The following NRG2 variants were observed in gnomAD, a reference collection of about 807,000 sequenced individuals.
NRG2 encodes the protein neuregulin 2.
In NRG2, 27 loss-of-function variants were observed where a neutral mutation model predicts 73.9. The ratio of observed to expected loss-of-function variants is 0.37; its 90% CI spans 0.27 to 0.50. NRG2 has a LOEUF of 0.50. Ranked by LOEUF, NRG2 falls within the 20% of genes least tolerant of loss-of-function variation. NRG2 has a pLI of 0.96. For synonymous variants in NRG2, 532 were observed against 541.0 expected (o/e 0.98, Z 0.23); for missense variants, 1,126 against 1,210.1 (o/e 0.93, Z 1.03).
At chr5:139,875,350 G>A (rs2127085920) in intron 3 of NRG2, among the ~76,000 whole-genome samples, 1 of 152,346 alleles carries the variant, frequency 6.6e-6, no homozygotes, top group African/African-American at 2.4e-5. Context: ...TCACTAGAAT[G>A]TAAGCTCCAT....
intron 1 of NRG2, among the ~76,000 whole-genome samples, chr5:139,942,598 T>C (rs1443188269): frequency 1.3e-5 from 2 of 152,226 alleles, no homozygotes; most frequent in African/African-American, 4.8e-5. Context: ...TGTTAACATC[T>C]GTCAACTCAT....
At chr5:139,956,761 G>A (rs6886100) in intron 1 of NRG2, among the ~76,000 whole-genome samples, 1,855 of 152,294 alleles carry the variant, frequency 0.012, 30 homozygotes, top group African/African-American at 0.042. Context: ...GGAAGCCAAC[G>A]GCTGCTCAGA....
Position 139,877,237 on chromosome 5 carries a change from A to G in NRG2, c.991+3619T>C, listed in dbSNP as rs566980448. ...GACTCCTCCTGCCCGCCAGTTCAGG[A>G]AGGCAGGAGCCTCTTGTGAGCTGGC... is the stretch of plus-strand genomic sequence containing the variant. On this transcript the variant is annotated intron_variant, in intron 3 of 9. Coordinates refer to ENST00000361474, the MANE Select transcript of NRG2 (RefSeq NM_004883.3). Among the ~76,000 whole-genome samples, 39 of 152,328 alleles carry G rather than the reference A, an allele frequency of 2.6e-4. 1 individual carries two copies. The East Asian group carries it at 7.0e-3, about 27-fold the overall frequency.
intron 1 of NRG2, among the ~76,000 whole-genome samples, chr5:139,938,751 CA>C (rs1355715754): frequency 6.7e-6 from 1 of 149,446 alleles, no homozygotes; most frequent in Non-Finnish European, 1.5e-5. Context: ...TGATTGTTGA[CA>C]AAGGTTTTAA....
At chr5:140,037,444 G>T (rs905180846) in intron 1 of NRG2, among the ~76,000 whole-genome samples, 1 of 152,184 alleles carries the variant, frequency 6.6e-6, no homozygotes, top group African/African-American at 2.4e-5. Context: ...AGGTATTGAG[G>T]AGAAAAGAGG....
At chr5:140,041,687 G>T (rs975775705) in intron 1 of NRG2, among the ~76,000 whole-genome samples, 1 of 136,916 alleles carries the variant, frequency 7.3e-6, no homozygotes, top group African/African-American at 2.8e-5. Context: ...AAAAAAAAAG[G>T]TGTCTGCTTG....
chr5:139,989,931 G>A (rs1401090208), intron 1 of NRG2, among the ~76,000 whole-genome samples: 15 of 149,700 alleles, frequency 1.0e-4, no homozygotes, highest in African/African-American at 2.7e-4. Context: ...TGGGACTACA[G>A]GTGCCCACCA....
rs531025000 is a variant in NRG2 at position 139,994,050 on chromosome 5, T to A, written c.700+48320A>T. Among the ~76,000 whole-genome samples, 18 of 152,336 alleles carry A rather than the reference T, an allele frequency of 1.2e-4. No individual in the cohort carries two copies. In the East Asian group the frequency reaches 2.9e-3, roughly 24 times the overall value. ...ATGAAAGAACAATTTCTTTCTTTTTTAAAAATGTATGATTTATTTGAGAGA... is the reference window on the plus strand; with the variant it reads ...ATGAAAGAACAATTTCTTTCTTTTTAAAAAATGTATGATTTATTTGAGAGA... On this transcript the variant is annotated intron_variant, in intron 1 of 9. Transcript: ENST00000361474.
Position 139,868,264 on chromosome 5 carries a change from T to C in NRG2, c.1113-2639A>G, listed in dbSNP as rs1762616472. 6.6e-6 allele frequency among the ~76,000 whole-genome samples: 1 copy of C among 152,066 alleles called. No individual in the cohort carries two copies. The highest frequency in any genetic ancestry group is 1.5e-5 in the Non-Finnish European group (1 of 67,992). On this transcript the variant is annotated intron_variant, in intron 4 of 9. Transcript: ENST00000361474. The surrounding 1 kb of genome is among the most constrained non-coding windows in gnomAD (Gnocchi z 4.2). ...GAGTCACATTCAGGAGACTGGGGCT[T>C]CCCTAGAGAAGGCTTTGGGGGTGAG...
chr5:139,942,867 G>A (rs1045889689), intron 1 of NRG2, among the ~76,000 whole-genome samples: 1 of 152,162 alleles, frequency 6.6e-6, no homozygotes, highest in Non-Finnish European at 1.5e-5. Flanking sequence ...TATTGAAACA[G>A]TCTCACTGTG....
chr5:139,991,141 TG>T (rs1373473283), intron 1 of NRG2, among the ~76,000 whole-genome samples: 1 of 151,624 alleles, frequency 6.6e-6, no homozygotes, highest in African/African-American at 2.4e-5. Context: ...TGGCATGGTG[TG>T]GGGGGGTGCC....
chr5:140,042,873 C>A lies in NRG2; in HGVS notation c.197G>T (p.Arg66Leu). The change falls in exon 1 of 10, where the codon CGG (arginine) becomes CTG (leucine). Residue 66 changes from arginine (R) to leucine (L), a missense_variant. Transcript: ENST00000361474. ...ISRPAAPPEP[R>L]PQQQPQPRSP... is the part of the protein sequence containing the mutation. ...GCGGGGCTGCGGCTGTTGCTGCGGC[C>A]GCGGCTCTGGGGGCGCAGCGGGACG... The A allele has an allele frequency of 6.6e-7, 1 of 1,511,668 alleles. No individual in the cohort carries two copies. Among genetic ancestry groups the A allele is most frequent in the Non-Finnish European group, 8.8e-7 (1 of 1,132,800 alleles). The allele number at this position is 1,511,668 out of a possible 1,614,324, so 93.6% of individuals were successfully genotyped here.
chr5:140,006,751 T>C (rs1276909841), intron 1 of NRG2, among the ~76,000 whole-genome samples: 1 of 152,204 alleles, frequency 6.6e-6, no homozygotes. Flanking sequence ...TATCTCTAGG[T>C]GGTTGAGATG....
At chr5:139,987,054 T>C (rs1378955844) in intron 1 of NRG2, among the ~76,000 whole-genome samples, 1 of 152,034 alleles carries the variant, frequency 6.6e-6, no homozygotes, top group African/African-American at 2.4e-5. Context: ...TTGATCCATA[T>C]GCTAAGGAGC....
chr5:139,895,437 G>A (rs1472144040), intron 1 of NRG2, among the ~76,000 whole-genome samples: 1 of 152,232 alleles, frequency 6.6e-6, no homozygotes, highest in Non-Finnish European at 1.5e-5. Flanking sequence ...TAGGCATAGG[G>A]ATACCCAGTA....
intron 1 of NRG2, among the ~76,000 whole-genome samples, chr5:139,953,956 C>G (rs1025755723): frequency 9.9e-5 from 15 of 152,132 alleles, no homozygotes; most frequent in Non-Finnish European, 1.6e-4. Context: ...CCTCCCCCAT[C>G]CCTGGCAGTT....
intron 1 of NRG2, among the ~76,000 whole-genome samples, chr5:139,984,605 A>G (rs1757031168): frequency 6.6e-6 from 1 of 152,218 alleles, no homozygotes. Flanking sequence ...GGTTTTTCAT[A>G]TTCCTACAAT....
At chr5:139,891,026 C>T (rs1278279068) in intron 1 of NRG2, among the ~76,000 whole-genome samples, 1 of 152,158 alleles carries the variant, frequency 6.6e-6, no homozygotes, top group Non-Finnish European at 1.5e-5. Flanking sequence ...GCTAAAGTTT[C>T]CCCTTACCTC....
chr5:139,855,617 A>G, intron 6 of NRG2, 59 bp downstream of exon 6: 6 of 1,409,108 alleles, frequency 4.3e-6, no homozygotes, highest in Non-Finnish European at 6.0e-6. Context: ...CTTCACACAC[A>G]TTCTTGGAGG....
Sources: allele counts gnomAD v4.1 joint callset (sites outside exome capture counted in the v4.1 genomes callset), GRCh38; gene constraint gnomAD v4.1.1; non-coding constraint Gnocchi (gnomAD v3.1); transcripts MANE v1.5; gene names NCBI Gene and HGNC (gene_info 2026-07-23, HGNC 2026-07-21).